Variants in CDK12 observed in about 807,000 individuals in gnomAD.
The protein encoded by CDK12 is cyclin-dependent kinase 12.
A neutral mutation model predicts 133.8 loss-of-function variants in CDK12; 17 were observed. The observed-to-expected ratio is 0.13, with a 90% confidence interval of 0.09 to 0.19. The LOEUF (loss-of-function observed/expected upper bound fraction) is 0.19. Among genes scored for constraint, CDK12 ranks in the 10% least tolerant of loss-of-function variants. The probability of loss-of-function intolerance (pLI) is 1.00; values close to 1 mark genes in which losing one functional copy is unlikely to be tolerated. For synonymous variants in CDK12, 694 were observed against 683.6 expected, an observed-to-expected ratio of 1.02 and a Z score of -0.24; for missense variants, 1,508 against 1,818.7, an observed-to-expected ratio of 0.83 and a Z score of 3.11.
At chr17:39,465,370 C>T (rs1257280873) in intron 1 of CDK12, among the ~76,000 whole-genome samples, 2 of 149,162 alleles carry the variant, frequency 1.3e-5, no homozygotes, top group African/African-American at 4.9e-5. Context: ...ATTCTAAACA[C>T]TTTAACATGT....
intron 6 of CDK12, among the ~76,000 whole-genome samples, chr17:39,502,185 C>G (rs1245514772): frequency 7.5e-6 from 1 of 133,482 alleles, no homozygotes; most frequent in African/African-American, 2.8e-5. Flanking sequence ...CGGAGTCTTG[C>G]TCTGTCGCCC....
rs562144093 is a variant in CDK12, at chr17:39,495,341, G to A, written c.2419+647G>A. On this transcript the variant is annotated intron_variant, in intron 5 of 13. Coordinates refer to ENST00000447079, the MANE Select transcript of CDK12 (RefSeq NM_016507.4). Reference sequence around the variant, plus strand: ...CATCCGCCCGCCTCGGCCCCTCGAAGTGCTGGGATTATAGGAGTGAGCTAC... The same window carrying A: ...CATCCGCCCGCCTCGGCCCCTCGAAATGCTGGGATTATAGGAGTGAGCTAC... 1.3e-4 allele frequency among the ~76,000 whole-genome samples: 20 copies of A among 148,760 alleles called. No individual in the cohort carries two copies. In the East Asian group the frequency reaches 3.8e-3, roughly 28 times the overall value.
Position 39,471,087 on chromosome 17 carries a change from G to T in CDK12, c.1255G>T (p.Glu419Ter). The T allele has an allele frequency of 6.2e-7, 1 of 1,613,290 alleles. No homozygotes were observed. The highest frequency in any genetic ancestry group is 8.5e-7 in the Non-Finnish European group (1 of 1,179,766). ...AAAAAKMDGK[E>*]SKGSPVFLPR... ...TGCTGCAGCAAAGATGGATGGAAAG[G>T]AGTCCAAGGGTTCACCTGTATTTTT... The change falls in exon 2 of 14, where the codon GAG becomes TAG. Residue 419 changes from glutamate to a stop codon, truncating the protein, a stop_gained. Transcript: ENST00000447079. LOFTEE classifies it high-confidence loss of function.
At chr17:39,467,167 C>CG (rs2049398871) in intron 1 of CDK12, among the ~76,000 whole-genome samples, 1 of 151,776 alleles carries the variant, frequency 6.6e-6, no homozygotes, top group Non-Finnish European at 1.5e-5. Flanking sequence ...TTAGTAGAGA[C>CG]GGGGTTTCAC....
At chr17:39,530,533 G>A (rs2054766727) in intron 13 of CDK12, 71 bp from the exon 14 acceptor site, 1 of 1,509,414 alleles carries the variant, frequency 6.6e-7, no homozygotes, top group African/African-American at 1.4e-5. Flanking sequence ...ATGTTGCACA[G>A]TGTGTGTGTT....
intron 5 of CDK12, among the ~76,000 whole-genome samples, chr17:39,495,166 C>T (rs539493097): frequency 6.6e-6 from 1 of 152,044 alleles, no homozygotes; most frequent in Non-Finnish European, 1.5e-5. Flanking sequence ...GCAGCCTCTG[C>T]CTCTCGGGTT....
chr17:39,469,122 G>A (rs1160034081), intron 1 of CDK12, among the ~76,000 whole-genome samples: 3 of 152,160 alleles, frequency 2.0e-5, no homozygotes, highest in Non-Finnish European at 2.9e-5. Context: ...CACAGCACCC[G>A]GCCTTTGTTG....
intron 5 of CDK12, among the ~76,000 whole-genome samples, chr17:39,495,558 G>A (rs1007172888): frequency 2.6e-5 from 4 of 151,782 alleles, no homozygotes; most frequent in East Asian, 1.9e-4. Flanking sequence ...TTGGGAGGCC[G>A]AGGTGGGCAG....
rs530587906 is a variant in CDK12 at position 39,476,609 on chromosome 17, C to T, written c.1931+4846C>T. Among the ~76,000 whole-genome samples the T allele has an allele frequency of 2.8e-4, 41 of 148,952 alleles. No individual in the cohort carries two copies. In the South Asian group the frequency reaches 6.5e-3, roughly 23 times the overall value. Reference sequence around the variant, plus strand: ...TGTATTTTTAGTAGACAATGGGTTTCGCCCTGTTGGCCAGGCTGGTCAGGA... The same window carrying T: ...TGTATTTTTAGTAGACAATGGGTTTTGCCCTGTTGGCCAGGCTGGTCAGGA... On this transcript the variant is annotated intron_variant, in intron 2 of 13. Coordinates refer to ENST00000447079, the MANE Select transcript of CDK12 (RefSeq NM_016507.4).
intron 12 of CDK12, 77 bp downstream of exon 12, chr17:39,524,962 G>C (rs562460338): frequency 1.1e-5 from 14 of 1,250,264 alleles, no homozygotes; most frequent in Non-Finnish European, 1.6e-5. Context: ...TAAGGAGTTT[G>C]TGTGTGTGTC....
chr17:39,547,129 A>ATT (rs34569985), upstream of CDK12, among the ~76,000 whole-genome samples: 4,575 of 90,352 alleles, frequency 0.051, 236 homozygotes, highest in African/African-American at 0.097. Context: ...GAGTACTAGG[A>ATT]TTTTTTTTTT....
At chr17:39,477,558 T>C (rs1351099095) in intron 2 of CDK12, among the ~76,000 whole-genome samples, 1 of 147,854 alleles carries the variant, frequency 6.8e-6, no homozygotes, top group Non-Finnish European at 1.5e-5. Flanking sequence ...TTTTTATTTT[T>C]ATTTATTTAT....
chr17:39,476,594 G>A (rs934519550), intron 2 of CDK12, among the ~76,000 whole-genome samples: 6 of 150,720 alleles, frequency 4.0e-5, no homozygotes, highest in Non-Finnish European at 5.9e-5. Flanking sequence ...TGTATTTTTA[G>A]TAGACAATGG....
At chr17:39,566,576 T>C (rs1392603713), downstream of CDK12, among the ~76,000 whole-genome samples, 1 of 152,130 alleles carries the variant, frequency 6.6e-6, no homozygotes, top group African/African-American at 2.4e-5. Context: ...TCACCCGCCA[T>C]ACCCCCCTTC....
chr17:39,531,624 T>C lies in CDK12; in HGVS notation c.*308T>C. 3.3e-6 allele frequency: 1 copy of C among 298,730 alleles called. No homozygotes were observed. The highest frequency in any genetic ancestry group is 6.2e-6 in the Non-Finnish European group (1 of 162,438). The allele number at this position is 298,730 out of a possible 1,614,324, so 18.5% of individuals were successfully genotyped here. A position where few individuals can be genotyped will look rare whatever the true frequency, so the allele number is the denominator to read the frequency against. On this transcript the variant is annotated 3_prime_UTR_variant, in exon 14 of 14. Transcript: ENST00000447079. ...GTAAATGTTTTATTAGTTCATTGCC[T>C]GCACTTACTGATCGGAAGAGAGAAA...
intron 5 of CDK12, among the ~76,000 whole-genome samples, chr17:39,495,847 A>G (rs2052064218): frequency 6.6e-6 from 1 of 151,424 alleles, no homozygotes; most frequent in Non-Finnish European, 1.5e-5. Flanking sequence ...CTCCCAATAT[A>G]CTACCATCCA....
chr17:39,471,869 G>C (rs1175190641), intron 2 of CDK12, 106 bp downstream of exon 2: 4 of 1,009,162 alleles, frequency 4.0e-6, no homozygotes, highest in Non-Finnish European at 4.3e-6. Flanking sequence ...AACAGGAAAT[G>C]TCTTTGATAT....
chr17:39,481,183 G>T (rs902924897), intron 2 of CDK12, among the ~76,000 whole-genome samples: 1 of 151,574 alleles, frequency 6.6e-6, no homozygotes, highest in Admixed American at 6.6e-5. Context: ...AACTCGGGGG[G>T]CGGAGGTTGC....
rs943631755 is a variant in CDK12, at chr17:39,491,610, T to A, written c.2108+877T>A. ...TAGTTAAAGCCATACCTGAGAGAGTTCAGAAAGCAAGCAACTAATCTATTA... is the reference window on the plus strand; with the variant it reads ...TAGTTAAAGCCATACCTGAGAGAGTACAGAAAGCAAGCAACTAATCTATTA... On this transcript the variant is annotated intron_variant, in intron 3 of 13. Coordinates refer to ENST00000447079, the MANE Select transcript of CDK12 (RefSeq NM_016507.4). 5.3e-5 allele frequency among the ~76,000 whole-genome samples: 8 copies of A among 152,178 alleles called. 1 individual carries two copies. In the South Asian group the frequency reaches 1.7e-3, roughly 31 times the overall value.
Sources: allele counts gnomAD v4.1 joint callset (sites outside exome capture counted in the v4.1 genomes callset), GRCh38; gene constraint gnomAD v4.1.1; transcripts MANE v1.5; gene names NCBI Gene and HGNC (gene_info 2026-07-23, HGNC 2026-07-21).